Variants in ADGRG7 observed in about 807,000 individuals in gnomAD.
ADGRG7 encodes the protein G-protein coupled receptor 128.
A neutral mutation model predicts 88.6 loss-of-function variants in ADGRG7; 82 were observed. The ratio of observed to expected loss-of-function variants is 0.93; its 90% confidence interval spans 0.77 to 1.11. ADGRG7 has a LOEUF of 1.11. Ranked by LOEUF, ADGRG7 falls within the 50% of genes most tolerant of loss-of-function variation. The probability of loss-of-function intolerance (pLI) is 0.00; values close to 1 mark genes in which losing one functional copy is unlikely to be tolerated. For synonymous variants in ADGRG7, 381 were observed against 345.2 expected (o/e 1.10, Z -1.15); for missense variants, 945 against 953.4 (o/e 0.99, Z 0.12).
chr3:100,643,038 G>A (rs1345060629), intron 6 of ADGRG7, among the ~76,000 whole-genome samples: 1 of 152,158 alleles, frequency 6.6e-6, no homozygotes, highest in Non-Finnish European at 1.5e-5. Flanking sequence ...TGCCATCTAT[G>A]TTCAAGGTAG....
chr3:100,610,407 G>A (rs1280696423), intron 1 of ADGRG7, among the ~76,000 whole-genome samples: 2 of 152,168 alleles, frequency 1.3e-5, no homozygotes, highest in East Asian at 3.9e-4. Context: ...TTCATTTTAA[G>A]AGAGAAGTTA....
chr3:100,655,711 A>G (rs1385580175), intron 12 of ADGRG7, among the ~76,000 whole-genome samples, 188 bp from the exon 13 acceptor site: 1 of 152,208 alleles, frequency 6.6e-6, no homozygotes, highest in African/African-American at 2.4e-5. Flanking sequence ...AGTGAAAGGG[A>G]AGGGAAAACA....
intron 4 of ADGRG7, among the ~76,000 whole-genome samples, chr3:100,634,257 G>T (rs532004277): frequency 3.9e-5 from 6 of 152,316 alleles, no homozygotes; most frequent in African/African-American, 1.4e-4. Context: ...CCTTTCATGT[G>T]CCTGGCATGT....
At chr3:100,651,642 G>T (rs1461561171) in intron 11 of ADGRG7, among the ~76,000 whole-genome samples, 1 of 152,072 alleles carries the variant, frequency 6.6e-6, no homozygotes, top group Non-Finnish European at 1.5e-5. Context: ...CCAGGAGTTT[G>T]AGACAAGCCT....
Position 100,649,734 on chromosome 3 carries a change from A to G in ADGRG7, c.1306A>G (p.Ile436Val), listed in dbSNP as rs957177175. The change falls in exon 11 of 16, where the codon ATA (isoleucine) becomes GTA (valine). Residue 436 changes from isoleucine (I) to valine (V), a missense_variant. Ile to Val is a conservative substitution (Grantham distance 29, BLOSUM62 3). Transcript: ENST00000273352. ...TTATCAATATCCCAAATCACTTGACATATTATCCAACGTTGGATGTGCACT... is the reference window on the plus strand; with the variant it reads ...TTATCAATATCCCAAATCACTTGACGTATTATCCAACGTTGGATGTGCACT... Reference protein sequence around the residue: ...KDYQYPKSLDILSNVGCALSV... With the variant: ...KDYQYPKSLDVLSNVGCALSV... The G allele has an allele frequency of 6.2e-7, 1 of 1,610,114 alleles. No individual in the cohort carries two copies. The highest frequency in any genetic ancestry group is 1.3e-5 in the African/African-American group (1 of 74,974).
intron 14 of ADGRG7, chr3:100,665,282 A>C (rs2094950332): frequency 3.7e-6 from 2 of 540,644 alleles, no homozygotes; most frequent in Non-Finnish European, 7.6e-6. Context: ...CAATGAAACG[A>C]GGTTGTCGTT....
intron 13 of ADGRG7, 22 bp from the exon 14 acceptor site, chr3:100,659,665 GC>G: frequency 6.2e-7 from 1 of 1,610,466 alleles, no homozygotes; most frequent in East Asian, 2.2e-5. Context: ...GTCTGCTGAA[GC>G]AATTTTTTTT....
In ADGRG7 at chr3:100,643,671, T is replaced by C. The variant is rs746104240; in HGVS notation, c.946+38T>C. The C allele has an allele frequency of 7.4e-6, 10 of 1,354,790 alleles. No homozygotes were observed. The Admixed American group carries it at 1.8e-4, about 24-fold the overall frequency. 83.9% of individuals were successfully genotyped at this position (1,354,790 alleles called of 1,614,324 possible). ...CTTTGTGACATTTAAAAAAATGGAC[T>C]CGAATTCATGGAACTAATAACTTCT... On this transcript the variant is annotated intron_variant, in intron 8 of 15. Coordinates refer to ENST00000273352, the MANE Select transcript of ADGRG7 (RefSeq NM_032787.3).
intron 9 of ADGRG7, 120 bp downstream of exon 9, chr3:100,646,228 G>GGGC: frequency 5.0e-6 from 1 of 199,624 alleles, no homozygotes; most frequent in Non-Finnish European, 9.9e-6. Context: ...GGGGGGGAGG[G>GGGC]TTTTCCATGA....
At chr3:100,633,179 TA>T (rs1707479395) in intron 3 of ADGRG7, 85 bp from the exon 4 acceptor site, 1 of 575,194 alleles carries the variant, frequency 1.7e-6, no homozygotes, top group African/African-American at 2.0e-5. Context: ...TTATAACTTT[TA>T]ATAAAAATTA....
chr3:100,621,352 A>T (rs956628710), intron 1 of ADGRG7, among the ~76,000 whole-genome samples: 1 of 152,244 alleles, frequency 6.6e-6, no homozygotes, highest in African/African-American at 2.4e-5. Context: ...CCAAACAGTT[A>T]GCCAAATTGT....
intron 15 of ADGRG7, among the ~76,000 whole-genome samples, chr3:100,673,506 G>T (rs2094961294): frequency 6.6e-6 from 1 of 150,490 alleles, no homozygotes; most frequent in Non-Finnish European, 1.5e-5. Context: ...CTGTCATGCA[G>T]GCTGGAGTAC....
chr3:100,616,048 AC>A (rs1157259644), intron 1 of ADGRG7, among the ~76,000 whole-genome samples: 13 of 152,216 alleles, frequency 8.5e-5, no homozygotes, highest in Non-Finnish European at 1.6e-4. Flanking sequence ...CCCAGGCTTT[AC>A]AATCTAAATC....
chr3:100,619,291 C>T (rs1270067455), intron 1 of ADGRG7, among the ~76,000 whole-genome samples: 3 of 152,150 alleles, frequency 2.0e-5, no homozygotes, highest in Non-Finnish European at 4.4e-5. Flanking sequence ...ACTGAACAAC[C>T]TGCTCCTGAA....
chr3:100,633,231 C>G, intron 3 of ADGRG7, 34 bp from the exon 4 acceptor site: 1 of 1,051,192 alleles, frequency 9.5e-7, no homozygotes, highest in Non-Finnish European at 1.3e-6. Context: ...TTAATAAATA[C>G]TTATTTTTAA....
intron 15 of ADGRG7, among the ~76,000 whole-genome samples, chr3:100,690,540 G>A (rs562249573): frequency 6.6e-6 from 1 of 152,240 alleles, no homozygotes; most frequent in Admixed American, 6.5e-5. Context: ...ATACAGGTGG[G>A]TTTTTGGTGT....
intron 6 of ADGRG7, 170 bp downstream of exon 6, chr3:100,637,572 T>C (rs894024378): frequency 5.1e-6 from 3 of 586,000 alleles, no homozygotes; most frequent in Non-Finnish European, 9.1e-6. Context: ...AGTTACTAGA[T>C]GGAGTGGTAT....
At chr3:100,680,940 T>C (rs2094972631) in intron 15 of ADGRG7, among the ~76,000 whole-genome samples, 1 of 152,214 alleles carries the variant, frequency 6.6e-6, no homozygotes, top group Non-Finnish European at 1.5e-5. Context: ...TCATGAAGTG[T>C]TTTGTGGCAC....
At chr3:100,622,083 A>G (rs1169042862) in intron 1 of ADGRG7, among the ~76,000 whole-genome samples, 1 of 152,156 alleles carries the variant, frequency 6.6e-6, no homozygotes, top group Non-Finnish European at 1.5e-5. Flanking sequence ...TAAGCTCAGG[A>G]GATAACACTC....
Sources: allele counts gnomAD v4.1 joint callset (sites outside exome capture counted in the v4.1 genomes callset), GRCh38; gene constraint gnomAD v4.1.1; transcripts MANE v1.5; gene names NCBI Gene and HGNC (gene_info 2026-07-23, HGNC 2026-07-21).